FOXP2: variants seen among roughly 807,000 people sequenced by gnomAD.
The protein encoded by FOXP2 is forkhead box protein P2.
FOXP2 carries 12 observed loss-of-function variants against 115.8 expected under a neutral mutation model. The observed-to-expected ratio is 0.10, with a 90% CI of 0.07 to 0.17. The LOEUF is 0.17. Among genes scored for constraint, FOXP2 ranks in the 10% least tolerant of loss-of-function variants. FOXP2 has a pLI of 1.00. For synonymous variants in FOXP2, 328 were observed against 297.7 expected, an observed-to-expected ratio of 1.10 and a Z score of -1.05; for missense variants, 629 against 843.5, an observed-to-expected ratio of 0.75 and a Z score of 3.15.
At chr7:114,230,733 A>G (rs929860961) in intron 1 of FOXP2, among the ~76,000 whole-genome samples, 1 of 151,992 alleles carries the variant, frequency 6.6e-6, no homozygotes, top group Non-Finnish European at 1.5e-5. Context: ...AACATAAGAA[A>G]GGATTTACAT....
chr7:114,089,103 A>G (rs1257260817), intron 1 of FOXP2, among the ~76,000 whole-genome samples: 25 of 152,012 alleles, frequency 1.6e-4, no homozygotes, highest in Admixed American at 1.6e-3. Context: ...GCCTAACTAG[A>G]CTCATATTCA....
At chr7:114,179,292 TATA>T (rs1049097570) in intron 1 of FOXP2, among the ~76,000 whole-genome samples, 8 of 152,004 alleles carry the variant, frequency 5.3e-5, no homozygotes, top group African/African-American at 1.9e-4. Flanking sequence ...ATTTAAGAAA[TATA>T]ATTTCTCAAC....
intron 3 of FOXP2, among the ~76,000 whole-genome samples, chr7:114,586,467 A>G (rs1191012886): frequency 6.6e-6 from 1 of 152,128 alleles, no homozygotes; most frequent in African/African-American, 2.4e-5. Flanking sequence ...AATTTGTTAA[A>G]TGACACTTTA....
chr7:114,572,641 C>G (rs1469130032), intron 3 of FOXP2, among the ~76,000 whole-genome samples: 1 of 151,552 alleles, frequency 6.6e-6, no homozygotes, highest in South Asian at 2.1e-4. Context: ...ACACTTTTTC[C>G]TAAAATAATC....
intron 1 of FOXP2, among the ~76,000 whole-genome samples, chr7:114,206,414 G>A (rs1794203538): frequency 6.6e-6 from 1 of 152,034 alleles, no homozygotes. Context: ...TCTCCTGGTT[G>A]AGGGCATTTG....
At chr7:114,615,523 G>A (rs985065349) in intron 3 of FOXP2, among the ~76,000 whole-genome samples, 2 of 152,090 alleles carry the variant, frequency 1.3e-5, no homozygotes, top group African/African-American at 4.8e-5. Flanking sequence ...TTTTGGCTTG[G>A]ATATTATAAT....
At chr7:114,263,265 C>A (rs1795805774) in intron 1 of FOXP2, among the ~76,000 whole-genome samples, 1 of 151,900 alleles carries the variant, frequency 6.6e-6, no homozygotes, top group South Asian at 2.1e-4. Flanking sequence ...CCTCATCTTC[C>A]ATTTTCCCCT....
chr7:114,493,836 C>CT (rs1189370677), intron 2 of FOXP2, among the ~76,000 whole-genome samples: 263 of 142,718 alleles, frequency 1.8e-3, no homozygotes, highest in Non-Finnish European at 2.6e-3. Flanking sequence ...ACAATGTGGC[C>CT]TTTTTTTTTT....
intron 2 of FOXP2, among the ~76,000 whole-genome samples, chr7:114,439,218 A>G (rs905980890): frequency 6.6e-6 from 1 of 152,270 alleles, no homozygotes; most frequent in Non-Finnish European, 1.5e-5. Flanking sequence ...GCTGGATTTG[A>G]AAATCCTTCC....
chr7:114,573,990 G>A (rs955867467), intron 3 of FOXP2, among the ~76,000 whole-genome samples: 6 of 151,508 alleles, frequency 4.0e-5, no homozygotes, highest in African/African-American at 1.5e-4. Flanking sequence ...GTTTTTTCTG[G>A]TGTCTTGGCT....
chr7:114,430,084 T>C (rs974789549), intron 2 of FOXP2, among the ~76,000 whole-genome samples: 2 of 151,636 alleles, frequency 1.3e-5, no homozygotes, highest in African/African-American at 4.8e-5. Context: ...TCTCTGTCCT[T>C]ATTGAAGTTT....
intron 10 of FOXP2, among the ~76,000 whole-genome samples, chr7:114,656,119 T>C (rs927718932): frequency 1.3e-5 from 2 of 152,036 alleles, no homozygotes; most frequent in African/African-American, 4.8e-5. Context: ...TAAACATGAG[T>C]GGTTTGCATT....
chr7:114,402,994 G>T lies in FOXP2; in HGVS notation c.-10-23508G>T, dbSNP rs192810976. Reference sequence around the variant, plus strand: ...TCTCTACTGCCTCTACACCTTACCAGCTACATCTATGTTCATAGACTGTCT... The same window carrying T: ...TCTCTACTGCCTCTACACCTTACCATCTACATCTATGTTCATAGACTGTCT... On this transcript the variant is annotated intron_variant, in intron 2 of 17. Transcript: ENST00000634411. 5.3e-4 allele frequency among the ~76,000 whole-genome samples: 80 copies of T among 152,136 alleles called. No homozygotes were observed. In the East Asian group the frequency reaches 0.012, roughly 23 times the overall value.
chr7:114,677,175 A>AC (rs947288377), intron 16 of FOXP2, among the ~76,000 whole-genome samples: 27 of 141,310 alleles, frequency 1.9e-4, no homozygotes, highest in East Asian at 1.2e-3. Flanking sequence ...CAAAAAACAA[A>AC]AAAAAAAAAA....
intron 3 of FOXP2, among the ~76,000 whole-genome samples, chr7:114,543,609 T>C (rs1201611810): frequency 1.3e-5 from 2 of 152,230 alleles, no homozygotes; most frequent in African/African-American, 2.4e-5. Context: ...GCTACATTAG[T>C]GATAGAAAAA....
intron 2 of FOXP2, among the ~76,000 whole-genome samples, chr7:114,432,310 C>T (rs1180889195): frequency 1.3e-5 from 2 of 151,952 alleles, no homozygotes; most frequent in African/African-American, 4.8e-5. Context: ...CAACATTCAG[C>T]TCATCAAGCA....
chr7:114,659,045 G>A (rs867901966), intron 11 of FOXP2, among the ~76,000 whole-genome samples: 7 of 152,190 alleles, frequency 4.6e-5, no homozygotes, highest in Non-Finnish European at 8.8e-5. Flanking sequence ...ATAGCAGGGG[G>A]GCAAAAGTCC....
At chr7:114,113,023 CCTT>C (rs1321896097) in intron 1 of FOXP2, among the ~76,000 whole-genome samples, 4 of 152,120 alleles carry the variant, frequency 2.6e-5, no homozygotes, top group African/African-American at 9.7e-5. Flanking sequence ...GTTGACTGAT[CCTT>C]CATCAGAGAT....
chr7:114,363,126 T>C (rs1437306187), intron 2 of FOXP2, among the ~76,000 whole-genome samples: 1 of 152,086 alleles, frequency 6.6e-6, no homozygotes, highest in African/African-American at 2.4e-5. Context: ...TAAAATGTAA[T>C]AGAGATTCAC....
Sources: gnomAD v4.1 joint callset for allele counts (sites outside exome capture counted in the v4.1 genomes callset) on GRCh38, gnomAD v4.1.1 for gene constraint, MANE v1.5 for transcripts, NCBI Gene and HGNC (gene_info 2026-07-23, HGNC 2026-07-21) for gene names.